The following LEMD2 variants were observed in gnomAD, a reference collection of about 807,000 sequenced individuals.
The protein encoded by LEMD2 is LEM domain nuclear envelope protein 2.
Under a neutral mutation model 58.8 loss-of-function variants are expected in LEMD2, and 34 were observed. That is an observed-to-expected ratio of 0.58 (90% CI 0.44 to 0.77). The LOEUF (loss-of-function observed/expected upper bound fraction) is 0.77. Among genes scored for constraint, LEMD2 ranks in the 30% least tolerant of loss-of-function variants. LEMD2 has a pLI of 0.00. For synonymous variants in LEMD2, 298 were observed against 308.9 expected (o/e 0.96, Z 0.37); for missense variants, 629 against 717.9 (o/e 0.88, Z 1.42).
rs1199963776 is a variant in LEMD2 at position 33,788,767 on chromosome 6, CT to C, written c.349del (p.Ser117AlafsTer103). 1 of 1,450,128 alleles carries C rather than the reference CT, an allele frequency of 6.9e-7. No individual in the cohort carries two copies. Among genetic ancestry groups the C allele is most frequent in the Non-Finnish European group, 9.1e-7 (1 of 1,103,474 alleles). 89.8% of individuals were successfully genotyped at this position (1,450,128 alleles called of 1,614,324 possible). ...IRPSAASWVG[S>X]RGLAYPARPA... ...GCGGGCAGGATAGGCGAGGCCGCGG[CT>C]CCCTACCCAGGAAGCCGCGGAGGGC... On this transcript the variant is annotated frameshift_variant, in exon 1 of 9. Coordinates refer to ENST00000293760, the MANE Select transcript of LEMD2 (RefSeq NM_181336.4). LOFTEE classifies it high-confidence loss of function.
intron 3 of LEMD2, among the ~76,000 whole-genome samples, chr6:33,783,750 T>G (rs778598954): frequency 3.3e-5 from 5 of 152,162 alleles, no homozygotes; most frequent in Non-Finnish European, 7.4e-5. Flanking sequence ...ATGCCCTCCT[T>G]TAGAGGACAG....
rs775225473 is a variant in LEMD2 at position 33,780,144 on chromosome 6, G to A, written c.966C>T (p.Ala322=). The A allele has an allele frequency of 2.1e-5, 34 of 1,597,060 alleles. No individual in the cohort carries two copies. In the East Asian group the frequency reaches 2.3e-4, roughly 11 times the overall value. ...TACTGCTCAGTATCCAGGTCAGTGC[G>A]GCTTCAAACTTGGCGGAGGAGCTGC... is the stretch of plus-strand genomic sequence containing the variant. ...VTSSSSAKFE[A]ALTWILSSNK... The change falls in exon 5 of 9, where the codon GCC becomes GCT. Residue 322 remains alanine (A), a synonymous_variant. Coordinates refer to ENST00000293760, the MANE Select transcript of LEMD2 (RefSeq NM_181336.4).
chr6:33,784,988 A>T (rs1001264295), intron 2 of LEMD2, among the ~76,000 whole-genome samples: 1 of 152,226 alleles, frequency 6.6e-6, no homozygotes, highest in African/African-American at 2.4e-5. Flanking sequence ...TACCACCTAA[A>T]GGAAACAGGA....
chr6:33,780,193 C>T lies in LEMD2; in HGVS notation c.931-14G>A, dbSNP rs529899153. 3.0e-5 allele frequency: 47 copies of T among 1,576,132 alleles called. No homozygotes were observed. Among genetic ancestry groups the T allele is most frequent in the Middle Eastern group, 1.7e-4 (1 of 6,014 alleles). ...GCTGGTCACATTCTGTGGGAGGGCG[C>T]GGGAGAAGGTTAGTTCGGCGTCTGG... is the stretch of plus-strand genomic sequence containing the variant. On this transcript the variant is annotated splice_polypyrimidine_tract_variant and intron_variant, in intron 4 of 8. Transcript: ENST00000293760.
At chr6:33,780,960 T>C in intron 4 of LEMD2, 117 bp downstream of exon 4, 1 of 668,670 alleles carries the variant, frequency 1.5e-6, no homozygotes, top group Non-Finnish European at 2.6e-6. Flanking sequence ...TAACTTAAGG[T>C]AGCCTAGTAC....
At chr6:33,775,790 T>C (rs1248437194) in intron 8 of LEMD2, among the ~76,000 whole-genome samples, 2 of 152,234 alleles carry the variant, frequency 1.3e-5, no homozygotes, top group Non-Finnish European at 2.9e-5. Flanking sequence ...ATGGGGCCAC[T>C]TCTGTTGTGT....
At chr6:33,782,705 T>G (rs1767592384) in intron 3 of LEMD2, among the ~76,000 whole-genome samples, 1 of 152,274 alleles carries the variant, frequency 6.6e-6, no homozygotes, top group African/African-American at 2.4e-5. Context: ...GTAGGTGGCC[T>G]GTCTCTTCCA....
intron 8 of LEMD2, among the ~76,000 whole-genome samples, chr6:33,775,949 C>T (rs990888266): frequency 6.6e-6 from 1 of 152,196 alleles, no homozygotes; most frequent in African/African-American, 2.4e-5. Context: ...CAGCAAGTGT[C>T]TGCTAGGGAG....
Position 33,777,253 on chromosome 6 carries a change from A to G in LEMD2, c.1157-14T>C. 7 of 1,527,712 alleles carry G rather than the reference A, an allele frequency of 4.6e-6. No homozygotes were observed. Among genetic ancestry groups the G allele is most frequent in the Non-Finnish European group, 6.4e-6 (7 of 1,101,240 alleles). The allele number at this position is 1,527,712 out of a possible 1,614,324, so 94.6% of individuals were successfully genotyped here. A position where few individuals can be genotyped will look rare whatever the true frequency, so the allele number is the denominator to read the frequency against. ...AAAAAGCCAAGCCTGTGAGGGAACA[A>G]AACACTGTTAATCCCTCACACTTCA... On this transcript the variant is annotated splice_polypyrimidine_tract_variant and intron_variant, in intron 6 of 8. Coordinates refer to ENST00000293760, the MANE Select transcript of LEMD2 (RefSeq NM_181336.4).
At position 33,777,458 on chromosome 6, in the gene LEMD2, C is replaced by A. The variant is rs144444831; in HGVS notation, c.1157-219G>T. 2.6e-5 allele frequency among the ~76,000 whole-genome samples: 4 copies of A among 152,366 alleles called. No homozygotes were observed. In the East Asian group the frequency reaches 5.8e-4, roughly 22 times the overall value. On this transcript the variant is annotated intron_variant, in intron 6 of 8. Transcript: ENST00000293760. ...ATCATCTTCCTCCCACCGGCTGTCA[C>A]CACAGCGGCATCCCCAGCCGTCCAG...
rs1767655948 is a variant in LEMD2 at position 33,785,437 on chromosome 6, AGC to A, written c.778-1012_778-1011del. Among the ~76,000 whole-genome samples, 4 of 152,310 alleles carry A rather than the reference AGC, an allele frequency of 2.6e-5. No homozygotes were observed. The South Asian group carries it at 8.3e-4, about 32-fold the overall frequency. ...GGTGCTGAATGCCGTCTGCCCACGG[AGC>A]GCATCTGTAGCTAGGACCTGGAGGG... On this transcript the variant is annotated intron_variant, in intron 2 of 8. Transcript: ENST00000293760.
At chr6:33,785,065 A>G (rs1025647181) in intron 2 of LEMD2, among the ~76,000 whole-genome samples, 4 of 152,154 alleles carry the variant, frequency 2.6e-5, no homozygotes, top group African/African-American at 9.7e-5. Context: ...GCCTGTCCCC[A>G]CGTTTTCAGC....
chr6:33,785,645 G>GA (rs1171357432), intron 2 of LEMD2, among the ~76,000 whole-genome samples: 3 of 152,220 alleles, frequency 2.0e-5, no homozygotes, highest in Non-Finnish European at 4.4e-5. Context: ...AAGTCTTACA[G>GA]AAAGTTATTT....
Position 33,778,990 on chromosome 6 carries a change from G to C in LEMD2, c.1011-603C>G, listed in dbSNP as rs1465001101. 1 of 152,188 alleles carries C rather than the reference G, an allele frequency of 6.6e-6. No homozygotes were observed. The highest frequency in any genetic ancestry group is 6.5e-5 in the Admixed American group (1 of 15,290). 9.4% of individuals were successfully genotyped at this position (152,188 alleles called of 1,614,324 possible). A position where few individuals can be genotyped will look rare whatever the true frequency, so the allele number is the denominator to read the frequency against. ...GTGGGGACACCAGAGCCTTCTTCCAGCTAGGTGACCCAGGGCGAGAATATC... is the reference window on the plus strand; with the variant it reads ...GTGGGGACACCAGAGCCTTCTTCCACCTAGGTGACCCAGGGCGAGAATATC... On this transcript the variant is annotated intron_variant, in intron 5 of 8. Coordinates refer to ENST00000293760, the MANE Select transcript of LEMD2 (RefSeq NM_181336.4). This position sits in a 1 kb window ranked among gnomAD's most constrained non-coding sequence, Gnocchi z 4.7.
At chr6:33,777,112 C>T in intron 7 of LEMD2, 26 bp downstream of exon 7, 1 of 1,610,674 alleles carries the variant, frequency 6.2e-7, no homozygotes. Flanking sequence ...CGTCGGCAAC[C>T]CTTTATTCAC....
chr6:33,788,977 T>C lies in LEMD2; in HGVS notation c.140A>G (p.Glu47Gly), dbSNP rs759268390. Residue 47 changes from glutamate (E) to glycine (G), a missense_variant, in exon 1 of 9, where the codon GAG becomes GGG. Physicochemically the swap from Glu to Gly is moderately conservative, Grantham distance 98. Transcript: ENST00000293760. ...CCGGGCCTCCTCCCGCAGCCGCTCC[T>C]CGTCGCGCAGCCGGGCCTCGCCCCG... ...RLRGEARLRD[E>G]ERLREEARPR... The C allele has an allele frequency of 6.5e-7, 1 of 1,541,098 alleles. No individual in the cohort carries two copies. Among genetic ancestry groups the C allele is most frequent in the South Asian group, 1.2e-5 (1 of 84,536 alleles).
chr6:33,783,382 G>A (rs1397384772), intron 3 of LEMD2, among the ~76,000 whole-genome samples: 1 of 152,134 alleles, frequency 6.6e-6, no homozygotes, highest in Non-Finnish European at 1.5e-5. Context: ...AGGACTGAGG[G>A]CCCAGGAGAA....
In LEMD2 at chr6:33,780,080, G is replaced by C. The variant is rs779108234; in HGVS notation, c.1010+20C>G. 3.8e-6 allele frequency: 6 copies of C among 1,568,004 alleles called. No homozygotes were observed. Among genetic ancestry groups the C allele is most frequent in the Non-Finnish European group, 3.5e-6 (4 of 1,153,982 alleles). ...TGGTTGCAGGCACCCATGCTGCGTC[G>C]CCACCCTGCCCACACTCACCAGATG... On this transcript the variant is annotated intron_variant, in intron 5 of 8. Coordinates refer to ENST00000293760, the MANE Select transcript of LEMD2 (RefSeq NM_181336.4).
chr6:33,786,969 AAT>A, intron 1 of LEMD2, 195 bp from the exon 2 acceptor site: 1 of 1,284,938 alleles, frequency 7.8e-7, no homozygotes, highest in Non-Finnish European at 1.0e-6. Context: ...CTGGATTAGG[AAT>A]TACGATAGCT....
Sources: allele counts gnomAD v4.1 joint callset (sites outside exome capture counted in the v4.1 genomes callset), GRCh38; gene constraint gnomAD v4.1.1; non-coding constraint Gnocchi (gnomAD v3.1); transcripts MANE v1.5; gene names NCBI Gene and HGNC (gene_info 2026-07-23, HGNC 2026-07-21).